PLCXD3: variants seen among roughly 807,000 people sequenced by gnomAD.
The protein encoded by PLCXD3 is PI-PLC X domain-containing protein 3.
Under a neutral mutation model 25.5 loss-of-function variants are expected in PLCXD3, and 19 were observed. The ratio of observed to expected loss-of-function variants is 0.75; its 90% CI spans 0.52 to 1.09. The LOEUF (loss-of-function observed/expected upper bound fraction) is 1.09. PLCXD3 is among the 50% of genes least tolerant of loss of function. PLCXD3 has a pLI of 0.00. For synonymous variants in PLCXD3, 174 were observed against 137.6 expected (o/e 1.26, Z -1.85); for missense variants, 411 against 388.1 (o/e 1.06, Z -0.50).
chr5:41,466,472 T>C (rs1324917643), intron 1 of PLCXD3, among the ~76,000 whole-genome samples: 1 of 152,138 alleles, frequency 6.6e-6, no homozygotes, highest in Non-Finnish European at 1.5e-5. Flanking sequence ...GATGTTTTTA[T>C]ATATGTATAC....
In PLCXD3 at chr5:41,390,521, G is replaced by T. The variant is rs167626; in HGVS notation, c.104-7987C>A. ...CCACATGGTACCAATGCTTGGTAAT[G>T]TCAGTCTTTTTAGTATTAGTCATTT... On this transcript the variant is annotated intron_variant, in intron 1 of 2. Transcript: ENST00000377801. Among the ~76,000 whole-genome samples, 326 of 152,210 alleles carry T rather than the reference G, an allele frequency of 2.1e-3. 1 individual carries two copies. The highest frequency in any genetic ancestry group is 7.4e-3 in the African/African-American group (309 of 41,534).
chr5:41,337,244 T>C (rs1744013038), intron 2 of PLCXD3, among the ~76,000 whole-genome samples: 1 of 152,150 alleles, frequency 6.6e-6, no homozygotes, highest in African/African-American at 2.4e-5. Context: ...TTATTGTCAG[T>C]GACCACAGAG....
At chr5:41,359,610 C>G (rs1744718356) in intron 2 of PLCXD3, among the ~76,000 whole-genome samples, 1 of 152,146 alleles carries the variant, frequency 6.6e-6, no homozygotes, top group South Asian at 2.1e-4. Context: ...TGGATTTTCT[C>G]TCTTCTTTTC....
At chr5:41,372,273 T>A (rs976918318) in intron 2 of PLCXD3, among the ~76,000 whole-genome samples, 6 of 148,104 alleles carry the variant, frequency 4.1e-5, no homozygotes, top group African/African-American at 1.5e-4. Flanking sequence ...AGTATATGTA[T>A]TCATTCTCTC....
At chr5:41,431,907 T>G (rs1279487180) in intron 1 of PLCXD3, among the ~76,000 whole-genome samples, 1 of 152,144 alleles carries the variant, frequency 6.6e-6, no homozygotes, top group Non-Finnish European at 1.5e-5. Context: ...TTGTCCATGA[T>G]AGGTGCTAGG....
intron 1 of PLCXD3, among the ~76,000 whole-genome samples, chr5:41,474,310 A>G (rs185620435): frequency 2.6e-5 from 4 of 152,284 alleles, no homozygotes; most frequent in African/African-American, 7.2e-5. Flanking sequence ...AATCACAAGA[A>G]ACACTGTGCT....
chr5:41,347,751 A>G (rs1391702016), intron 2 of PLCXD3, among the ~76,000 whole-genome samples: 3 of 152,330 alleles, frequency 2.0e-5, no homozygotes, highest in African/African-American at 7.2e-5. Context: ...CCTACTCTTA[A>G]CACCAGATCA....
intron 1 of PLCXD3, among the ~76,000 whole-genome samples, chr5:41,492,539 T>A (rs1412329596): frequency 2.0e-5 from 3 of 152,232 alleles, no homozygotes; most frequent in Non-Finnish European, 4.4e-5. Context: ...TTTTCCAATT[T>A]GTTTCCATTC....
chr5:41,399,522 G>T (rs1027921516), intron 1 of PLCXD3, among the ~76,000 whole-genome samples: 2 of 151,820 alleles, frequency 1.3e-5, no homozygotes, highest in African/African-American at 4.8e-5. Context: ...ACAAAATAGA[G>T]AACCCAGAAA....
chr5:41,442,456 A>T (rs527720699), intron 1 of PLCXD3, among the ~76,000 whole-genome samples: 1 of 152,212 alleles, frequency 6.6e-6, no homozygotes, highest in African/African-American at 2.4e-5. Context: ...CCTGCCCCAA[A>T]CACCACATTT....
chr5:41,325,950 G>A (rs924600789), intron 2 of PLCXD3, among the ~76,000 whole-genome samples: 3 of 152,174 alleles, frequency 2.0e-5, no homozygotes, highest in African/African-American at 7.2e-5. Context: ...CATGGTGGAA[G>A]GGAAAACAAG....
intron 1 of PLCXD3, among the ~76,000 whole-genome samples, chr5:41,494,357 A>T (rs918458254): frequency 6.6e-6 from 1 of 152,234 alleles, no homozygotes; most frequent in East Asian, 1.9e-4. Flanking sequence ...AGAAATATTC[A>T]TATGGGAGAT....
chr5:41,380,103 A>G (rs1224091993), intron 2 of PLCXD3, among the ~76,000 whole-genome samples: 4 of 151,912 alleles, frequency 2.6e-5, no homozygotes, highest in African/African-American at 9.7e-5. Context: ...GAGTTGGCCT[A>G]TATTTGTAAT....
intron 2 of PLCXD3, among the ~76,000 whole-genome samples, chr5:41,316,880 C>T (rs1743313232): frequency 6.6e-6 from 1 of 152,188 alleles, no homozygotes; most frequent in African/African-American, 2.4e-5. Flanking sequence ...TTTGGCTCTA[C>T]TCCCTGACTC....
chr5:41,315,128 G>A (rs1321881268), intron 2 of PLCXD3, among the ~76,000 whole-genome samples: 1 of 152,140 alleles, frequency 6.6e-6, no homozygotes, highest in Non-Finnish European at 1.5e-5. Context: ...AGATACAGGT[G>A]ATGTTAATGA....
chr5:41,369,969 C>G (rs1360888289), intron 2 of PLCXD3, among the ~76,000 whole-genome samples: 2 of 152,154 alleles, frequency 1.3e-5, no homozygotes, highest in African/African-American at 2.4e-5. Flanking sequence ...GTGCTTTTAG[C>G]ATTCACTAAT....
chr5:41,450,376 T>C (rs1165841652), intron 1 of PLCXD3, among the ~76,000 whole-genome samples: 1 of 152,080 alleles, frequency 6.6e-6, no homozygotes, highest in African/African-American at 2.4e-5. Flanking sequence ...GTCTCCAAGA[T>C]AAAGGACATG....
chr5:41,480,393 GTT>G (rs564276013), intron 1 of PLCXD3, among the ~76,000 whole-genome samples: 33 of 107,868 alleles, frequency 3.1e-4, no homozygotes, highest in Non-Finnish European at 5.1e-4. Flanking sequence ...TAACAAAGTT[GTT>G]TTTTTTTTTT....
At position 41,382,072 on chromosome 5, in the gene PLCXD3, T is replaced by C. The variant is rs896684450; in HGVS notation, c.566A>G (p.Tyr189Cys). The change falls in exon 2 of 3, where the codon TAT (tyrosine) becomes TGT (cysteine). Residue 189 changes from tyrosine (Y) to cysteine (C), a missense_variant. Physicochemically the swap from Tyr to Cys is radical, Grantham distance 194. Coordinates refer to ENST00000377801, the MANE Select transcript of PLCXD3 (RefSeq NM_001005473.3). ...ACTATGGTAGAAGACCAGCACTTGA[T>C]AGTCCTTCTCCCACAGGTACTTTAA... Reference protein sequence around the residue: ...VSLKYLWEKDYQVLVFYHSPV... With the variant: ...VSLKYLWEKDCQVLVFYHSPV... The C allele has an allele frequency of 1.2e-6, 2 of 1,613,742 alleles. No individual in the cohort carries two copies. The highest frequency in any genetic ancestry group is 1.7e-6 in the Non-Finnish European group (2 of 1,179,770).
Sources: gnomAD v4.1 joint callset for allele counts (sites outside exome capture counted in the v4.1 genomes callset) on GRCh38, gnomAD v4.1.1 for gene constraint, MANE v1.5 for transcripts, NCBI Gene and HGNC (gene_info 2026-07-23, HGNC 2026-07-21) for gene names.